PTPRM: variants seen among roughly 807,000 people sequenced by gnomAD.
PTPRM encodes the protein protein tyrosine phosphatase receptor type M.
In PTPRM, 47 loss-of-function variants were observed where a neutral mutation model predicts 186.7. That is an observed-to-expected ratio of 0.25 (90% CI 0.20 to 0.32). The LOEUF (loss-of-function observed/expected upper bound fraction) is 0.32, where lower values mean the gene tolerates loss of function less well. PTPRM is among the 10% of genes least tolerant of loss of function. The pLI is 1.00. For synonymous variants in PTPRM, 668 were observed against 674.9 expected, an observed-to-expected ratio of 0.99 and a Z score of 0.16; for missense variants, 1,494 against 1,865.0, an observed-to-expected ratio of 0.80 and a Z score of 3.66.
intron 4 of PTPRM, among the ~76,000 whole-genome samples, chr18:7,915,515 T>G (rs540516217): frequency 2.9e-4 from 44 of 152,330 alleles, no homozygotes; most frequent in Admixed American, 1.7e-3. Flanking sequence ...TCTTGGGCTC[T>G]TTTCCAGGTT....
At chr18:8,362,936 GACCA>G (rs2095605602) in intron 23 of PTPRM, among the ~76,000 whole-genome samples, 1 of 152,218 alleles carries the variant, frequency 6.6e-6, no homozygotes, top group Non-Finnish European at 1.5e-5. Flanking sequence ...ATGTGCTCTT[GACCA>G]GTCAGCTTGC....
intron 14 of PTPRM, among the ~76,000 whole-genome samples, chr18:8,194,055 G>A (rs1026164879): frequency 6.6e-6 from 1 of 152,138 alleles, no homozygotes; most frequent in African/African-American, 2.4e-5. Flanking sequence ...TCAGACAGGG[G>A]GCCTTGAGAG....
At chr18:7,982,847 T>C (rs758435011) in intron 7 of PTPRM, among the ~76,000 whole-genome samples, 5 of 152,110 alleles carry the variant, frequency 3.3e-5, no homozygotes, top group Admixed American at 6.5e-5. Context: ...AATGTTGTTA[T>C]GTGGCGTGTG....
rs576050020 is a variant in PTPRM at position 8,286,971 on chromosome 18, TA to T, written c.2755-9385del. 6.3e-3 allele frequency among the ~76,000 whole-genome samples: 918 copies of T among 145,520 alleles called. 8 individuals are homozygous for T. Among genetic ancestry groups the T allele is most frequent in the South Asian group, 0.024 (109 of 4,536 alleles). ...ATTCATTTCCAAGCCTGTCATCTCT[TA>T]AAAAAAAAAAAGTATCCTTAGATTT... On this transcript the variant is annotated intron_variant, in intron 19 of 32. Transcript: ENST00000580170.
At position 7,962,503 on chromosome 18, in the gene PTPRM, T is replaced by A. The variant is rs75205326; in HGVS notation, c.1132+7089T>A. ...CTAAATGTCACTAGATTTAGGTTCA[T>A]ATTGGTTTTGAAATATTAATTCGCT... On this transcript the variant is annotated intron_variant, in intron 7 of 32. Coordinates refer to ENST00000580170, the MANE Select transcript of PTPRM (RefSeq NM_001105244.2). Among the ~76,000 whole-genome samples the A allele has an allele frequency of 4.9e-3, 752 of 152,310 alleles. 6 individuals are homozygous for A. Among genetic ancestry groups the A allele is most frequent in the African/African-American group, 0.016 (679 of 41,566 alleles).
intron 1 of PTPRM, among the ~76,000 whole-genome samples, chr18:7,770,884 TG>T (rs2042241483): frequency 6.6e-6 from 1 of 152,210 alleles, no homozygotes; most frequent in African/African-American, 2.4e-5. Flanking sequence ...TGAAAATTGG[TG>T]TGCAGGGAAA....
At chr18:7,984,602 T>TATATATACAC (rs1214502563) in intron 7 of PTPRM, among the ~76,000 whole-genome samples, 28 of 87,166 alleles carry the variant, frequency 3.2e-4, no homozygotes, top group Admixed American at 9.9e-4. Context: ...TATATATATA[T>TATATATACAC]ACACACACAC....
chr18:8,070,312 A>T (rs2148442758), intron 8 of PTPRM, among the ~76,000 whole-genome samples: 1 of 152,282 alleles, frequency 6.6e-6, no homozygotes, highest in South Asian at 2.1e-4. Context: ...TTTATATAAA[A>T]TCATTGGACT....
rs552851512 is a variant in PTPRM at position 8,379,340 on chromosome 18, C to T, written c.3786C>T (p.Asp1262=). The T allele has an allele frequency of 6.2e-6, 10 of 1,606,142 alleles. No individual in the cohort carries two copies. Among genetic ancestry groups the T allele is most frequent in the East Asian group, 4.5e-5 (2 of 44,702 alleles). The change falls in exon 28 of 33, where the codon GAC becomes GAT. Residue 1262 remains aspartate (D), a splice_region_variant and synonymous_variant. Coordinates refer to ENST00000580170, the MANE Select transcript of PTPRM (RefSeq NM_001105244.2). ...ACTACATCAATGCTGCCCTCATGGA[C>T]GTGAGTGCCCCGCTTCCCGCACGGG... ...SSNYINAALM[D]SYKQPSAFIV...
intron 7 of PTPRM, among the ~76,000 whole-genome samples, chr18:7,993,251 A>G (rs891761597): frequency 6.6e-6 from 1 of 152,106 alleles, no homozygotes; most frequent in Non-Finnish European, 1.5e-5. Flanking sequence ...GTGAACAAGC[A>G]TTCAACTATT....
chr18:7,778,113 A>T (rs528928142), intron 2 of PTPRM, among the ~76,000 whole-genome samples: 1 of 152,214 alleles, frequency 6.6e-6, no homozygotes, highest in African/African-American at 2.4e-5. Flanking sequence ...CAGTGTATAG[A>T]TTTGTTTCCC....
intron 1 of PTPRM, among the ~76,000 whole-genome samples, chr18:7,610,770 G>C (rs2037652793): frequency 6.6e-6 from 1 of 152,202 alleles, no homozygotes; most frequent in Admixed American, 6.5e-5. Context: ...CATGATTCTT[G>C]ATAATAAATG....
intron 14 of PTPRM, among the ~76,000 whole-genome samples, chr18:8,160,177 C>G (rs1328817492): frequency 2.0e-5 from 3 of 151,936 alleles, no homozygotes; most frequent in African/African-American, 7.3e-5. Flanking sequence ...TTTTTATAAC[C>G]AACATCAATT....
chr18:8,155,276 A>G (rs986466667), intron 14 of PTPRM, among the ~76,000 whole-genome samples: 12 of 152,200 alleles, frequency 7.9e-5, no homozygotes, highest in Non-Finnish European at 5.9e-5. Context: ...GATTAATTAT[A>G]TTTACGATTG....
intron 9 of PTPRM, among the ~76,000 whole-genome samples, chr18:8,083,672 T>A (rs2090274515): frequency 6.6e-6 from 1 of 152,166 alleles, no homozygotes; most frequent in African/African-American, 2.4e-5. Context: ...AGGGCGTGTA[T>A]TTACCTGCTG....
intron 22 of PTPRM, among the ~76,000 whole-genome samples, chr18:8,334,110 A>G (rs758504757): frequency 1.8e-4 from 28 of 152,210 alleles, no homozygotes; most frequent in Non-Finnish European, 3.4e-4. Flanking sequence ...GGAATGAATG[A>G]GATCGTGCAT....
At chr18:8,174,488 G>T (rs76112794) in intron 14 of PTPRM, among the ~76,000 whole-genome samples, 6,179 of 152,220 alleles carry the variant, frequency 0.041, 188 homozygotes, top group Middle Eastern at 0.071. Flanking sequence ...TACAATGTAA[G>T]AATTGTAATA....
chr18:7,826,495 A>G lies in PTPRM; in HGVS notation c.196+52224A>G, dbSNP rs74900087. On this transcript the variant is annotated intron_variant, in intron 2 of 32. Transcript: ENST00000580170. ...TGTTAAATTTGAAAATGTGAACTGG[A>G]CATAGAAAAGTGGTTTATTTCATTT... is the stretch of plus-strand genomic sequence containing the variant. 2.6e-3 allele frequency among the ~76,000 whole-genome samples: 394 copies of G among 152,326 alleles called. 1 individual carries two copies. Among genetic ancestry groups the G allele is most frequent in the African/African-American group, 8.7e-3 (363 of 41,586 alleles).
chr18:8,137,410 T>C (rs2146024316), intron 13 of PTPRM, among the ~76,000 whole-genome samples: 1 of 152,302 alleles, frequency 6.6e-6, no homozygotes, highest in Admixed American at 6.5e-5. Context: ...ACTGTGCCTC[T>C]GTGAGTCTCT....
Sources: gnomAD v4.1 joint callset for allele counts (sites outside exome capture counted in the v4.1 genomes callset) on GRCh38, gnomAD v4.1.1 for gene constraint, MANE v1.5 for transcripts, NCBI Gene and HGNC (gene_info 2026-07-23, HGNC 2026-07-21) for gene names.